The following ZFHX3 variants were observed in gnomAD, a reference collection of about 807,000 sequenced individuals.
ZFHX3 encodes the protein zinc finger homeobox 3, also known as zinc finger homeobox protein 3.
A neutral mutation model predicts 279.1 loss-of-function variants in ZFHX3; 42 were observed. The ratio of observed to expected loss-of-function variants is 0.15; its 90% CI spans 0.12 to 0.19. ZFHX3 has a LOEUF of 0.19. Among genes scored for constraint, ZFHX3 ranks in the 10% least tolerant of loss-of-function variants. The probability of loss-of-function intolerance (pLI) is 1.00; values close to 1 mark genes in which losing one functional copy is unlikely to be tolerated. For synonymous variants in ZFHX3, 2,293 were observed against 1,957.8 expected, an observed-to-expected ratio of 1.17 and a Z score of -4.52; for missense variants, 4,981 against 4,754.0, an observed-to-expected ratio of 1.05 and a Z score of -1.40.
intron 2 of ZFHX3, among the ~76,000 whole-genome samples, chr16:73,522,560 A>C (rs550647668): frequency 6.6e-6 from 1 of 152,262 alleles, no homozygotes; most frequent in Admixed American, 6.5e-5. Flanking sequence ...AGGGGAACTT[A>C]GTTGACTAAG....
chr16:73,401,282 C>T (rs894543851), intron 3 of ZFHX3: 2 of 151,784 alleles, frequency 1.3e-5, no homozygotes, highest in Non-Finnish European at 2.9e-5. Flanking sequence ...ATTTTTAATG[C>T]CCAGTGTTCC....
At chr16:73,036,932 C>A (rs928910847) in intron 1 of ZFHX3, among the ~76,000 whole-genome samples, 1 of 152,190 alleles carries the variant, frequency 6.6e-6, no homozygotes, top group East Asian at 1.9e-4. Context: ...AACACACCCG[C>A]AAACTTCCTA....
At chr16:73,321,674 A>C (rs891880126) in intron 3 of ZFHX3, among the ~76,000 whole-genome samples, 2 of 152,246 alleles carry the variant, frequency 1.3e-5, no homozygotes, top group African/African-American at 4.8e-5. Context: ...TACATGCTGC[A>C]GGCCACCAGA....
chr16:73,785,630 T>G (rs923425326), intron 1 of ZFHX3, among the ~76,000 whole-genome samples: 2 of 152,148 alleles, frequency 1.3e-5, no homozygotes, highest in African/African-American at 4.8e-5. Flanking sequence ...GGTGGGGTGG[T>G]GGGTGCAGGG....
intron 2 of ZFHX3, among the ~76,000 whole-genome samples, chr16:73,668,073 C>T (rs1445857771): frequency 6.6e-6 from 1 of 152,092 alleles, no homozygotes; most frequent in Non-Finnish European, 1.5e-5. Context: ...GATAAGTCAC[C>T]TCTACGAAGC....
intron 9 of ZFHX3, chr16:72,789,249 T>TA (rs1213790723): frequency 6.0e-6 from 1 of 167,624 alleles, no homozygotes; most frequent in Non-Finnish European, 1.3e-5. Context: ...GATTCAGTCC[T>TA]GGCTAGCTCC....
In ZFHX3 at chr16:72,788,269, T is replaced by C. The variant is rs145614252; in HGVS notation, c.10007A>G (p.Tyr3336Cys). 11 of 1,614,154 alleles carry C rather than the reference T, an allele frequency of 6.8e-6. No homozygotes were observed. The highest frequency in any genetic ancestry group is 2.2e-5 in the East Asian group (1 of 44,866). Residue 3336 changes from tyrosine (Y) to cysteine (C), a missense_variant, in exon 10 of 10, where the codon TAT becomes TGT. This residue lies in a region of ZFHX3 where 1,034 missense variants were observed against 786.0 expected (regional missense o/e 1.32). Transcript: ENST00000268489. ...ALQSGYLQPM[Y>C]GMEGLFPYSP... ...GTAGGGGAACAGGCCTTCCATGCCA[T>C]ACATAGGCTGCAGGTACCCGCTCTG...
intron 1 of ZFHX3, chr16:73,815,882 C>G (rs1416448233): frequency 3.3e-5 from 5 of 152,080 alleles, no homozygotes; most frequent in African/African-American, 1.2e-4. Flanking sequence ...TCCAGTGAAA[C>G]CAACTTCATA....
chr16:73,208,082 T>C (rs1168918803), intron 5 of ZFHX3, among the ~76,000 whole-genome samples: 1 of 152,188 alleles, frequency 6.6e-6, no homozygotes, highest in African/African-American at 2.4e-5. Flanking sequence ...GATGGTTCCA[T>C]TTTTGAGAAA....
Position 73,195,413 on chromosome 16 carries a change from A to AT in ZFHX3, c.-1103-51583dup, listed in dbSNP as rs9302646. Reference sequence around the variant, plus strand: ...TACAAAATATGGTTGTGTCTTTACTATTTTTTTTTTTTTTTTTTTTTTTGA... The same window carrying AT: ...TACAAAATATGGTTGTGTCTTTACTATTTTTTTTTTTTTTTTTTTTTTTTGA... On this transcript the variant is annotated intron_variant, in intron 5 of 17. Transcript: ENST00000641206. Among the ~76,000 whole-genome samples the AT allele has an allele frequency of 1.4e-3, 134 of 93,108 alleles. 3 individuals carry two copies. Among genetic ancestry groups the AT allele is most frequent in the East Asian group, 7.9e-3 (31 of 3,926 alleles). The allele number at this position is 93,108 out of a possible 152,430, so 61.1% of individuals were successfully genotyped here. A position where few individuals can be genotyped will look rare whatever the true frequency, so the allele number is the denominator to read the frequency against.
chr16:73,891,560 G>C (rs2030539254), intron 1 of ZFHX3: 1 of 152,198 alleles, frequency 6.6e-6, no homozygotes, highest in African/African-American at 2.4e-5. Context: ...ATATGAAAAG[G>C]GAGGGGGCAT....
chr16:73,468,469 C>T (rs150504057), intron 2 of ZFHX3, among the ~76,000 whole-genome samples: 3 of 152,312 alleles, frequency 2.0e-5, no homozygotes, highest in Non-Finnish European at 2.9e-5. Context: ...GGCGTGGTGG[C>T]TCACACCTGT....
chr16:72,861,942 G>A (rs1386844712), intron 4 of ZFHX3, among the ~76,000 whole-genome samples: 1 of 152,182 alleles, frequency 6.6e-6, no homozygotes, highest in African/African-American at 2.4e-5. Context: ...TTGAACCCGG[G>A]AGGCAGAGGC....
At chr16:73,322,524 A>G (rs957168426) in intron 3 of ZFHX3, among the ~76,000 whole-genome samples, 1 of 152,202 alleles carries the variant, frequency 6.6e-6, no homozygotes, top group Non-Finnish European at 1.5e-5. Flanking sequence ...AATAGCAAAC[A>G]TAGGAATAGC....
chr16:73,629,771 C>A (rs1335420533), intron 2 of ZFHX3, among the ~76,000 whole-genome samples: 6 of 152,138 alleles, frequency 3.9e-5, no homozygotes, highest in Admixed American at 1.3e-4. Flanking sequence ...TGACACTTTT[C>A]TCCTCTAGCT....
At chr16:73,782,145 G>A (rs977963077) in intron 1 of ZFHX3, among the ~76,000 whole-genome samples, 8 of 152,172 alleles carry the variant, frequency 5.3e-5, no homozygotes, top group Non-Finnish European at 1.2e-4. Flanking sequence ...TGCTCAGCTG[G>A]CTCTGTACAA....
Position 72,794,244 on chromosome 16 carries a change from A to C in ZFHX3, c.8438T>G (p.Phe2813Cys), listed in dbSNP as rs1450347147. ...SSIKVEGIED[F>C]ESPSMSSVNL... The stretch of plus-strand genomic sequence containing the variant: ...AACTGAGGACATGGAGGGGCTTTCA[A>C]AGTCTTCAATCCCTTCCACCTTAAT... Residue 2813 changes from phenylalanine to cysteine, a missense_variant, in exon 9 of 10, where the codon TTT becomes TGT. Around this residue, in one of 7 missense-constraint regions of ZFHX3, gnomAD observed 744 missense variants for 701.3 expected, o/e 1.06. Coordinates refer to ENST00000268489, the MANE Select transcript of ZFHX3 (RefSeq NM_006885.4). This position sits in a 1 kb window ranked among gnomAD's most constrained non-coding sequence, Gnocchi z 4.2. The C allele has an allele frequency of 6.2e-7, 1 of 1,614,176 alleles. No homozygotes were observed. The highest frequency in any genetic ancestry group is 8.5e-7 in the Non-Finnish European group (1 of 1,180,032).
intron 3 of ZFHX3, among the ~76,000 whole-genome samples, chr16:73,347,800 T>C (rs1488954247): frequency 6.6e-5 from 10 of 152,266 alleles, no homozygotes; most frequent in Non-Finnish European, 1.2e-4. Context: ...ATGGTGCAGA[T>C]AGCTCAAAGA....
At chr16:73,128,633 A>G (rs1966615453) in intron 7 of ZFHX3, among the ~76,000 whole-genome samples, 1 of 152,182 alleles carries the variant, frequency 6.6e-6, no homozygotes, top group African/African-American at 2.4e-5. Context: ...CAAGCACTCT[A>G]TATGGAAGGA....
Sources: gnomAD v4.1 joint callset for allele counts (sites outside exome capture counted in the v4.1 genomes callset) on GRCh38, gnomAD v4.1.1 for gene constraint, gnomAD v4.1.1 regional missense constraint, Gnocchi (gnomAD v3.1) non-coding constraint, MANE v1.5 for transcripts, NCBI Gene and HGNC (gene_info 2026-07-23, HGNC 2026-07-21) for gene names.